Variants in FN1 observed in about 807,000 individuals in gnomAD.
FN1 encodes fibronectin 1, also known as fibronectin.
A neutral mutation model predicts 297.3 loss-of-function variants in FN1; 106 were observed. That is an observed-to-expected ratio of 0.36 (90% CI 0.30 to 0.42). The LOEUF is 0.42. FN1 is among the 10% of genes least tolerant of loss of function. The pLI is 1.00. For synonymous variants in FN1, 1,149 were observed against 1,152.6 expected (o/e 1.00, Z 0.06); for missense variants, 2,690 against 3,124.9 (o/e 0.86, Z 3.32).
At chr2:215,409,807 A>G in intron 14 of FN1, 68 bp from the exon 15 acceptor site, 14 of 1,599,540 alleles carry the variant, frequency 8.8e-6, no homozygotes, top group Non-Finnish European at 1.1e-5. Context: ...CTCGTCGCCA[A>G]CATCATTTTA....
In FN1 at chr2:215,370,445, G is replaced by A; in HGVS notation, c.6715-13C>T. 1.2e-6 allele frequency: 2 copies of A among 1,604,722 alleles called. No individual in the cohort carries two copies. Among genetic ancestry groups the A allele is most frequent in the South Asian group, 2.2e-5 (2 of 90,846 alleles). The stretch of plus-strand genomic sequence containing the variant: ...CAGGAACCCTGAACTGCAATTATCG[G>A]TACATCCAAAGCAGAGAGAAAGCAT... On this transcript the variant is annotated splice_polypyrimidine_tract_variant and intron_variant, in intron 40 of 45. Coordinates refer to ENST00000354785, the MANE Select transcript of FN1 (RefSeq NM_212482.4).
rs748700094 is a variant in FN1 at position 215,386,814 on chromosome 2, C to T, written c.4487G>A (p.Arg1496Gln). ...GATGGAATTCCGAGAGTGGGGCACC[C>T]GATCTTCTCGAGGTCTCCCACTGAA... ...EHFSGRPRED[R>Q]VPHSRNSITL... The change falls in exon 28 of 46, where the codon CGG becomes CAG. Residue 1496 changes from arginine (R) to glutamine (Q), a missense_variant. Physicochemically the swap from Arg to Gln is conservative, Grantham distance 43. Around this residue, in one of 3 missense-constraint regions of FN1, gnomAD observed 1,743 missense variants for 1,945.2 expected, o/e 0.90. Coordinates refer to ENST00000354785, the MANE Select transcript of FN1 (RefSeq NM_212482.4). 13 of 1,613,766 alleles carry T rather than the reference C, an allele frequency of 8.1e-6. No individual in the cohort carries two copies. The highest frequency in any genetic ancestry group is 1.7e-5 in the Admixed American group (1 of 59,966).
intron 35 of FN1, among the ~76,000 whole-genome samples, chr2:215,377,940 G>A (rs2057603087): frequency 6.6e-6 from 1 of 152,058 alleles, no homozygotes; most frequent in Non-Finnish European, 1.5e-5. Context: ...TCATTCCACT[G>A]TTAACATATA....
intron 41 of FN1, 136 bp from the exon 42 acceptor site, chr2:215,368,163 G>T (rs1349284980): frequency 2.1e-6 from 2 of 952,290 alleles, no homozygotes; most frequent in Non-Finnish European, 3.3e-6. Context: ...GCATTCATCT[G>T]TTCTATCAAG....
chr2:215,397,897 G>A, intron 21 of FN1, 49 bp from the exon 22 acceptor site: 3 of 1,518,790 alleles, frequency 2.0e-6, no homozygotes, highest in Non-Finnish European at 2.7e-6. Context: ...ATTTCCAGAG[G>A]ACTGTTACTG....
intron 33 of FN1, chr2:215,379,754 A>T: frequency 4.8e-6 from 1 of 207,530 alleles, no homozygotes. Context: ...AGTGCAGTGG[A>T]GTTATCATAG....
intron 40 of FN1, 106 bp from the exon 41 acceptor site, chr2:215,370,538 G>GACAAAAA (rs1185116408): frequency 4.1e-5 from 16 of 393,396 alleles, no homozygotes; most frequent in Non-Finnish European, 5.7e-5. Context: ...AGCAAAGGAA[G>GACAAAAA]ACAAAAAACA....
chr2:215,373,433 C>T (rs1422733585), intron 38 of FN1, 22 bp from the exon 39 acceptor site: 3 of 1,589,386 alleles, frequency 1.9e-6, no homozygotes, highest in Non-Finnish European at 2.6e-6. Context: ...ATAGAACCAT[C>T]ACATTATGTC....
At chr2:215,411,430 C>G (rs1285373201) in intron 13 of FN1, among the ~76,000 whole-genome samples, 1 of 152,202 alleles carries the variant, frequency 6.6e-6, no homozygotes, top group Non-Finnish European at 1.5e-5. Context: ...GTACTCTTCA[C>G]AGTGAAATTT....
intron 32 of FN1, 68 bp downstream of exon 32, chr2:215,382,144 C>T (rs900874340): frequency 1.3e-5 from 12 of 914,150 alleles, no homozygotes; most frequent in East Asian, 2.4e-5. Flanking sequence ...AAAGACATGT[C>T]GTGGGCATTC....
intron 40 of FN1, among the ~76,000 whole-genome samples, chr2:215,371,672 A>C (rs1575252335): frequency 2.1e-5 from 2 of 93,248 alleles, no homozygotes; most frequent in East Asian, 3.6e-4. Flanking sequence ...AAGTGGAGCC[A>C]CTTTTTTTTT....
In FN1 at chr2:215,379,311, G is replaced by C; in HGVS notation, c.5441C>G (p.Pro1814Arg). ...PLIGTQSTAI[P>R]APTDLKFTQV... The stretch of plus-strand genomic sequence containing the variant: ...AGTGAACTTCAGGTCAGTTGGTGCA[G>C]GAATAGCTGTCGAGATTGTCATTGG... The change falls in exon 34 of 46, where the codon CCT becomes CGT. Residue 1814 changes from proline (P) to arginine (R), a missense_variant. Transcript: ENST00000354785. 6.2e-7 allele frequency: 1 copy of C among 1,614,002 alleles called. No individual in the cohort carries two copies. Among genetic ancestry groups the C allele is most frequent in the Non-Finnish European group, 8.5e-7 (1 of 1,179,966 alleles).
At chr2:215,384,743 C>A in intron 29 of FN1, 117 bp downstream of exon 29, 1 of 762,436 alleles carries the variant, frequency 1.3e-6, no homozygotes. Flanking sequence ...AAAACAAGGG[C>A]TCCGTTGAAT....
At chr2:215,392,752 T>C (rs1446625571) in intron 25 of FN1, 179 bp downstream of exon 25, 12 of 671,032 alleles carry the variant, frequency 1.8e-5, no homozygotes, top group Non-Finnish European at 3.2e-5. Context: ...AATACTTGCA[T>C]GTGTTTTTCT....
chr2:215,402,188 T>C (rs2061251449), intron 20 of FN1, among the ~76,000 whole-genome samples: 1 of 152,200 alleles, frequency 6.6e-6, no homozygotes, highest in Admixed American at 6.5e-5. Context: ...CTAGGTATTT[T>C]CTATTGCTTG....
At chr2:215,409,376 A>G (rs2062240629) in intron 15 of FN1, among the ~76,000 whole-genome samples, 187 bp downstream of exon 15, 1 of 152,076 alleles carries the variant, frequency 6.6e-6, no homozygotes, top group East Asian at 1.9e-4. Flanking sequence ...GTGGCTTGGG[A>G]AAAACCCGGC....
chr2:215,367,924 G>A lies in FN1; in HGVS notation c.6957C>T (p.Gly2319=). Residue 2319 remains glycine (G), a synonymous_variant, in exon 42 of 46, where the codon GGC becomes GGT. Coordinates refer to ENST00000354785, the MANE Select transcript of FN1 (RefSeq NM_212482.4). The part of the protein sequence containing the change: ...GDEWERMSES[G]FKLLCQCLGF... ...CTAAGCACTGGCACAACAGTTTAAA[G>A]CCTGATTCAGACATTCGTTCCCACT... 1.2e-6 allele frequency: 2 copies of A among 1,614,080 alleles called. No individual in the cohort carries two copies. Among genetic ancestry groups the A allele is most frequent in the South Asian group, 1.1e-5 (1 of 91,078 alleles).
intron 12 of FN1, 127 bp from the exon 13 acceptor site, chr2:215,415,085 T>C: frequency 2.9e-6 from 2 of 690,734 alleles, no homozygotes; most frequent in East Asian, 2.7e-5. Flanking sequence ...AATAAAATTA[T>C]CTGGCATTAA....
Position 215,378,248 on chromosome 2 carries a change from A to G in FN1, c.5637T>C (p.Tyr1879=). ...VVSGLMVATK[Y]EVSVYALKDT... ...CCTTAAGAGCATAGACACTCACTTCATATTTGGTGGCCACCTAGAGAAATA... is the reference window on the plus strand; with the variant it reads ...CCTTAAGAGCATAGACACTCACTTCGTATTTGGTGGCCACCTAGAGAAATA... Residue 1879 remains tyrosine, a synonymous_variant, in exon 35 of 46, where the codon TAT becomes TAC. Transcript: ENST00000354785. 2 of 1,610,378 alleles carry G rather than the reference A, an allele frequency of 1.2e-6. No homozygotes were observed. Among genetic ancestry groups the G allele is most frequent in the South Asian group, 1.1e-5 (1 of 91,002 alleles).
Sources: allele counts gnomAD v4.1 joint callset (sites outside exome capture counted in the v4.1 genomes callset), GRCh38; gene constraint gnomAD v4.1.1; regional missense constraint gnomAD v4.1.1; transcripts MANE v1.5; gene names NCBI Gene and HGNC (gene_info 2026-07-23, HGNC 2026-07-21).